ANKFN1: variants seen among roughly 807,000 people sequenced by gnomAD.
The protein encoded by ANKFN1 is ankyrin repeat and fibronectin type III domain containing 1.
In ANKFN1, 74 loss-of-function variants were observed where a neutral mutation model predicts 108.7. The observed-to-expected ratio is 0.68, with a 90% confidence interval of 0.56 to 0.83. The LOEUF is 0.83. Among genes scored for constraint, ANKFN1 ranks in the 40% least tolerant of loss-of-function variants. ANKFN1 has a pLI of 0.00. For missense variants in ANKFN1, 1,505 were observed against 1,382.3 expected (o/e 1.09, Z -1.41); for synonymous variants, 547 against 516.2 (o/e 1.06, Z -0.81).
chr17:56,387,335 G>C (rs1181303076), intron 8 of ANKFN1, among the ~76,000 whole-genome samples: 1 of 152,090 alleles, frequency 6.6e-6, no homozygotes, highest in Non-Finnish European at 1.5e-5. Flanking sequence ...TATCCAAAAA[G>C]TTTAAAATGT....
At chr17:56,052,151 A>G (rs928712658) in intron 4 of ANKFN1, among the ~76,000 whole-genome samples, 6 of 152,130 alleles carry the variant, frequency 3.9e-5, no homozygotes, top group African/African-American at 9.7e-5. Flanking sequence ...GAGGAATCAC[A>G]CTACCTGACT....
intron 1 of ANKFN1, among the ~76,000 whole-genome samples, chr17:56,189,642 T>C (rs1912682367): frequency 6.6e-6 from 1 of 152,150 alleles, no homozygotes; most frequent in South Asian, 2.1e-4. Flanking sequence ...TGGGATCTAA[T>C]GCCAGCTTAT....
In ANKFN1 at chr17:56,513,880, C is replaced by CTA. The variant is rs2051844160; in HGVS notation, c.*2613_*2614dup. On this transcript the variant is annotated 3_prime_UTR_variant, in exon 21 of 21. Coordinates refer to ENST00000682825, the MANE Select transcript of ANKFN1 (RefSeq NM_001370326.1). ...GGTATGTTGTAGCTTCCATAATTAG[C>CTA]TATTATTCAGGTAGGTTTCCCCATA... Among the ~76,000 whole-genome samples, 2 of 152,236 alleles carry CTA rather than the reference C, an allele frequency of 1.3e-5. No homozygotes were observed. The highest frequency in any genetic ancestry group is 3.9e-4 in the East Asian group (2 of 5,190).
At chr17:56,133,658 A>G (rs1319191256) in intron 4 of ANKFN1, among the ~76,000 whole-genome samples, 2 of 151,806 alleles carry the variant, frequency 1.3e-5, no homozygotes, top group Non-Finnish European at 2.9e-5. Context: ...TCCATGTCAT[A>G]TGCCTCAGTC....
At chr17:56,331,254 G>T (rs910967061) in intron 4 of ANKFN1, among the ~76,000 whole-genome samples, 7 of 152,058 alleles carry the variant, frequency 4.6e-5, no homozygotes, top group African/African-American at 1.7e-4. Flanking sequence ...GTTGCCATAA[G>T]TTCTATACAT....
intron 2 of ANKFN1, among the ~76,000 whole-genome samples, chr17:56,223,341 G>A (rs1268205111): frequency 6.6e-6 from 1 of 152,040 alleles, no homozygotes; most frequent in African/African-American, 2.4e-5. Flanking sequence ...ATTTAAGTGG[G>A]TTTTTAAATA....
chr17:56,202,274 A>G (rs1302982845), intron 1 of ANKFN1, among the ~76,000 whole-genome samples: 1 of 151,514 alleles, frequency 6.6e-6, no homozygotes, highest in Non-Finnish European at 1.5e-5. Flanking sequence ...CTAAGTGATT[A>G]GTAAGAGTCA....
chr17:56,419,865 T>C (rs2048349524), intron 8 of ANKFN1, among the ~76,000 whole-genome samples: 1 of 151,830 alleles, frequency 6.6e-6, no homozygotes, highest in African/African-American at 2.4e-5. Context: ...TTAAATAATC[T>C]GATTTTGCTC....
At chr17:56,426,873 GC>G (rs1237494280) in intron 8 of ANKFN1, among the ~76,000 whole-genome samples, 1 of 152,198 alleles carries the variant, frequency 6.6e-6, no homozygotes, top group East Asian at 1.9e-4. Flanking sequence ...CAGAAGCTGA[GC>G]CTGGGAATGG....
chr17:56,309,639 C>T (rs1323522937), intron 3 of ANKFN1, among the ~76,000 whole-genome samples: 1 of 152,104 alleles, frequency 6.6e-6, no homozygotes, highest in Non-Finnish European at 1.5e-5. Context: ...ACAGGGGATA[C>T]ATCCCAAAAC....
chr17:56,238,046 A>G (rs1190960474), intron 3 of ANKFN1, among the ~76,000 whole-genome samples: 1 of 152,098 alleles, frequency 6.6e-6, no homozygotes, highest in Non-Finnish European at 1.5e-5. Flanking sequence ...CAAAAGTCAT[A>G]CAGGAGCATG....
chr17:56,347,257 G>T (rs2046129201), intron 4 of ANKFN1, among the ~76,000 whole-genome samples: 1 of 151,860 alleles, frequency 6.6e-6, no homozygotes, highest in African/African-American at 2.4e-5. Flanking sequence ...AAATTGTTAT[G>T]ATATACTTTG....
At chr17:56,308,247 A>AG (rs2044899206) in intron 3 of ANKFN1, among the ~76,000 whole-genome samples, 1 of 150,256 alleles carries the variant, frequency 6.7e-6, no homozygotes, top group African/African-American at 2.5e-5. Flanking sequence ...TAAAAAAAAA[A>AG]AAGAAGTTAA....
At chr17:56,368,297 T>TTTTTTTTTTTTTTTTTTTA (rs1598470005) in intron 6 of ANKFN1, 1 of 492,544 alleles carries the variant, frequency 2.0e-6, no homozygotes. Flanking sequence ...TTTTTTTTTT[T>TTTTTTTTTTTTTTTTTTTA]GAGAAGGAGT....
chr17:56,365,035 T>C lies in ANKFN1; in HGVS notation c.602-7611T>C, dbSNP rs2046623551. 1.3e-5 allele frequency among the ~76,000 whole-genome samples: 2 copies of C among 152,210 alleles called. 1 individual carries two copies. The highest frequency in any genetic ancestry group is 4.1e-4 in the South Asian group (2 of 4,834). ...GGTATAAGAGTTTTTGAATTAAAAG[T>C]ATTTAATTTTTAGAATTCCCCTACA... On this transcript the variant is annotated intron_variant, in intron 6 of 20. Coordinates refer to ENST00000682825, the MANE Select transcript of ANKFN1 (RefSeq NM_001370326.1).
rs1245031017 is a variant in ANKFN1, at chr17:56,506,351, AC to A, written c.2645-4119del. 2.0e-5 allele frequency among the ~76,000 whole-genome samples: 3 copies of A among 151,992 alleles called. No individual in the cohort carries two copies. In the East Asian group the frequency reaches 5.8e-4, roughly 29 times the overall value. ...CCTGGATTATATGGGTGGATCCTAC[AC>A]CCAATGAAAAGTTCCCTTATAAGAG... On this transcript the variant is annotated intron_variant, in intron 20 of 20. Transcript: ENST00000682825.
chr17:56,311,602 C>A (rs2045028227), intron 3 of ANKFN1, among the ~76,000 whole-genome samples: 1 of 152,192 alleles, frequency 6.6e-6, no homozygotes, highest in Admixed American at 6.5e-5. Context: ...ACAGGAATGG[C>A]AGTGATGCCA....
chr17:56,163,266 G>T (rs965001563), intron 1 of ANKFN1, among the ~76,000 whole-genome samples: 1 of 152,032 alleles, frequency 6.6e-6, no homozygotes, highest in African/African-American at 2.4e-5. Flanking sequence ...TGTTCACAGA[G>T]ATTTTTCTAA....
chr17:56,152,427 T>A (rs1908713975), upstream of ANKFN1, among the ~76,000 whole-genome samples: 1 of 152,020 alleles, frequency 6.6e-6, no homozygotes, highest in Non-Finnish European at 1.5e-5. Context: ...TTTTTCCTAT[T>A]GTATAGTAGC....
Sources: allele counts gnomAD v4.1 joint callset (sites outside exome capture counted in the v4.1 genomes callset), GRCh38; gene constraint gnomAD v4.1.1; transcripts MANE v1.5; gene names NCBI Gene and HGNC (gene_info 2026-07-23, HGNC 2026-07-21).